Variants in TNKS observed in about 807,000 individuals in gnomAD.
TNKS encodes tankyrase, also known as poly [ADP-ribose] polymerase tankyrase-1.
In TNKS, 72 loss-of-function variants were observed where a neutral mutation model predicts 135.8. That is an observed-to-expected ratio of 0.53 (90% CI 0.44 to 0.64). The LOEUF is 0.64. Ranked by LOEUF, TNKS falls within the 30% of genes least tolerant of loss-of-function variation. TNKS has a pLI of 0.00. For synonymous variants in TNKS, 849 were observed against 649.3 expected (o/e 1.31, Z -4.68); for missense variants, 1,769 against 1,674.0 (o/e 1.06, Z -0.99).
chr8:9,686,690 A>C (rs1233358582), intron 5 of TNKS, among the ~76,000 whole-genome samples: 1 of 152,144 alleles, frequency 6.6e-6, no homozygotes, highest in Non-Finnish European at 1.5e-5. Context: ...CTTACAATTT[A>C]AGTATTTTCC....
At chr8:9,765,534 T>A (rs1336081817) in intron 23 of TNKS, among the ~76,000 whole-genome samples, 158 bp from the exon 24 acceptor site, 1 of 151,944 alleles carries the variant, frequency 6.6e-6, no homozygotes, top group Non-Finnish European at 1.5e-5. Flanking sequence ...ACAGCTAGAG[T>A]ATTTTCTGAA....
chr8:9,595,164 C>T (rs1563103344), intron 2 of TNKS, among the ~76,000 whole-genome samples: 1 of 151,542 alleles, frequency 6.6e-6, no homozygotes, highest in Non-Finnish European at 1.5e-5. Flanking sequence ...CTGTGTTGTC[C>T]AGGCTGGAGT....
chr8:9,647,540 T>C (rs1434157120), intron 3 of TNKS, among the ~76,000 whole-genome samples: 1 of 152,210 alleles, frequency 6.6e-6, no homozygotes. Flanking sequence ...TTTAAGAGGC[T>C]AGAGAACAAC....
intron 13 of TNKS, among the ~76,000 whole-genome samples, chr8:9,730,478 G>A (rs1040647261): frequency 6.6e-6 from 1 of 152,012 alleles, no homozygotes; most frequent in South Asian, 2.1e-4. Flanking sequence ...CATTAGAGAC[G>A]GCAAGAGCTC....
intron 14 of TNKS, 86 bp from the exon 15 acceptor site, chr8:9,733,193 T>C: frequency 1.4e-5 from 19 of 1,341,266 alleles, no homozygotes; most frequent in East Asian, 2.4e-5. Flanking sequence ...GTCAGTACCA[T>C]AGAAGAATGG....
chr8:9,610,382 C>A (rs926083258), intron 2 of TNKS, among the ~76,000 whole-genome samples: 2 of 151,042 alleles, frequency 1.3e-5, no homozygotes, highest in African/African-American at 4.9e-5. Context: ...AATATAATGG[C>A]ATAGTTTATG....
intron 12 of TNKS, among the ~76,000 whole-genome samples, chr8:9,720,946 T>G (rs1029126018): frequency 1.3e-5 from 2 of 152,260 alleles, no homozygotes; most frequent in East Asian, 3.9e-4. Context: ...ATTCTTAACT[T>G]CATTGCATTA....
intron 3 of TNKS, among the ~76,000 whole-genome samples, chr8:9,667,742 T>A (rs939944445): frequency 6.6e-6 from 1 of 152,180 alleles, no homozygotes; most frequent in Admixed American, 6.5e-5. Flanking sequence ...TTTTTTCTTA[T>A]ATTTTCCCAA....
intron 5 of TNKS, among the ~76,000 whole-genome samples, chr8:9,684,539 A>G (rs973728096): frequency 7.9e-5 from 12 of 152,088 alleles, no homozygotes; most frequent in African/African-American, 2.9e-4. Context: ...TTAATAGGCA[A>G]TAGGTAGGGG....
intron 12 of TNKS, among the ~76,000 whole-genome samples, chr8:9,724,064 TCTAA>T (rs146013508): frequency 0.011 from 1,624 of 152,318 alleles, 23 homozygotes; most frequent in African/African-American, 0.038. Context: ...TCCTAGCGTT[TCTAA>T]CTTTTTAAAA....
intron 3 of TNKS, among the ~76,000 whole-genome samples, chr8:9,661,641 AC>A (rs1801717260): frequency 6.6e-6 from 1 of 152,132 alleles, no homozygotes; most frequent in African/African-American, 2.4e-5. Context: ...CTAGAAGAAA[AC>A]CTAGGCAATA....
At chr8:9,710,370 C>T (rs1444237165) in intron 11 of TNKS, 150 bp downstream of exon 11, 8 of 706,504 alleles carry the variant, frequency 1.1e-5, no homozygotes, top group Admixed American at 7.8e-5. Flanking sequence ...TCCTATAAAG[C>T]TGATTTAGAT....
At position 9,567,419 on chromosome 8, in the gene TNKS, A is replaced by G. The variant is rs117827479; in HGVS notation, c.673+10807A>G. On this transcript the variant is annotated intron_variant, in intron 1 of 26. Transcript: ENST00000310430. Reference sequence around the variant, plus strand: ...TATTTTAGCAACTGCTTTCTTATTTATTTATTTTTTTTTTGAGACGGAGTC... The same window carrying G: ...TATTTTAGCAACTGCTTTCTTATTTGTTTATTTTTTTTTTGAGACGGAGTC... 7.8e-3 allele frequency among the ~76,000 whole-genome samples: 1,182 copies of G among 152,070 alleles called. 6 individuals carry two copies. The highest frequency in any genetic ancestry group is 0.012 in the Non-Finnish European group (798 of 67,988).
intron 11 of TNKS, among the ~76,000 whole-genome samples, chr8:9,718,768 A>G (rs1289385079): frequency 6.6e-6 from 1 of 152,218 alleles, no homozygotes; most frequent in Admixed American, 6.5e-5. Context: ...GCATTTAATT[A>G]CCACAGTTGA....
Position 9,679,917 on chromosome 8 carries a change from A to G in TNKS, c.995-34A>G, listed in dbSNP as rs6985140. The G allele has an allele frequency of 0.087, 137,720 of 1,586,392 alleles. 6,874 individuals carry two copies. Among genetic ancestry groups the G allele is most frequent in the South Asian group, 0.18 (16,567 of 90,314 alleles). On this transcript the variant is annotated intron_variant, in intron 3 of 26. Transcript: ENST00000310430. ...GCATTTCTTAATCTGTCTTCTGCCAAATGCTAACAGCATGATATTTTGCAA... is the reference window on the plus strand; with the variant it reads ...GCATTTCTTAATCTGTCTTCTGCCAGATGCTAACAGCATGATATTTTGCAA...
chr8:9,706,717 A>G (rs1804064906), intron 7 of TNKS, 94 bp from the exon 8 acceptor site: 6 of 1,211,242 alleles, frequency 5.0e-6, no homozygotes, highest in Non-Finnish European at 6.9e-6. Flanking sequence ...TGAACAAGTT[A>G]TAACTGAAAT....
At chr8:9,596,053 G>A (rs916521468) in intron 2 of TNKS, among the ~76,000 whole-genome samples, 1 of 152,202 alleles carries the variant, frequency 6.6e-6, no homozygotes, top group African/African-American at 2.4e-5. Context: ...ACAGGTTGCA[G>A]TGAGCCATAA....
intron 11 of TNKS, among the ~76,000 whole-genome samples, chr8:9,711,364 C>T (rs986302085): frequency 6.6e-6 from 1 of 152,158 alleles, no homozygotes; most frequent in African/African-American, 2.4e-5. Flanking sequence ...GGCAAACTCA[C>T]TTGTTTGTTC....
chr8:9,711,283 C>T (rs1191054248), intron 11 of TNKS, among the ~76,000 whole-genome samples: 1 of 152,120 alleles, frequency 6.6e-6, no homozygotes, highest in Non-Finnish European at 1.5e-5. Flanking sequence ...CACGTGTCAG[C>T]CATTGTGACT....
Sources: allele counts gnomAD v4.1 joint callset (sites outside exome capture counted in the v4.1 genomes callset), GRCh38; gene constraint gnomAD v4.1.1; transcripts MANE v1.5; gene names NCBI Gene and HGNC (gene_info 2026-07-23, HGNC 2026-07-21).